FAM98B: variants seen among roughly 807,000 people sequenced by gnomAD.
The protein encoded by FAM98B is tRNA-splicing ligase complex subunit FAM98B.
In FAM98B, 32 loss-of-function variants were observed where a neutral mutation model predicts 43.9. The observed-to-expected ratio is 0.73, with a 90% CI of 0.55 to 0.98. The LOEUF is 0.98. Ranked by LOEUF, FAM98B falls within the 50% of genes least tolerant of loss-of-function variation. The pLI, the probability that FAM98B is intolerant of heterozygous loss-of-function variation, is 0.00. For synonymous variants in FAM98B, 190 were observed against 174.0 expected (o/e 1.09, Z -0.72); for missense variants, 514 against 522.9 (o/e 0.98, Z 0.17).
intron 1 of FAM98B, among the ~76,000 whole-genome samples, chr15:38,457,243 C>G (rs865831625): frequency 8.5e-5 from 13 of 152,264 alleles, no homozygotes; most frequent in Middle Eastern, 6.8e-3. Context: ...GTCTTGAACT[C>G]CTGGCCTCAA....
chr15:38,465,329 G>A lies in FAM98B; in HGVS notation c.278G>A (p.Cys93Tyr). ...EISGFLKEMA[C>Y]PYSVLISGDI... is the part of the protein sequence containing the mutation. ...AGTGGCTTTTTAAAAGAAATGGCAT[G>A]TCCATATTCTGTACTCATATCAGGA... is the stretch of plus-strand genomic sequence containing the variant. The change falls in exon 3 of 8, where the codon TGT becomes TAT. Residue 93 changes from cysteine (C) to tyrosine (Y), a missense_variant. By Grantham distance (194) the Cys-to-Tyr change is radical. Around this residue, in one of 2 missense-constraint regions of FAM98B, gnomAD observed 469 missense variants for 451.8 expected, o/e 1.04. Transcript: ENST00000397609. 1.2e-6 allele frequency: 2 copies of A among 1,611,724 alleles called. No homozygotes were observed. Among genetic ancestry groups the A allele is most frequent in the Non-Finnish European group, 1.7e-6 (2 of 1,179,182 alleles).
intron 1 of FAM98B, among the ~76,000 whole-genome samples, chr15:38,462,401 A>G (rs932777796): frequency 3.3e-5 from 5 of 152,224 alleles, no homozygotes; most frequent in African/African-American, 1.2e-4. Flanking sequence ...ACATAATTAT[A>G]AGACAAAAAT....
intron 3 of FAM98B, among the ~76,000 whole-genome samples, chr15:38,468,266 C>T (rs1176257816): frequency 3.3e-5 from 5 of 152,174 alleles, no homozygotes; most frequent in African/African-American, 9.7e-5. Context: ...GATGGGGTCT[C>T]ACTGTGTTGC....
intron 3 of FAM98B, among the ~76,000 whole-genome samples, chr15:38,467,566 G>A (rs1398073141): frequency 6.6e-6 from 1 of 152,148 alleles, no homozygotes; most frequent in African/African-American, 2.4e-5. Context: ...AGAATAACTT[G>A]TACAGCCTCT....
chr15:38,475,173 T>A (rs186634910), intron 6 of FAM98B, among the ~76,000 whole-genome samples: 3 of 152,216 alleles, frequency 2.0e-5, no homozygotes, highest in African/African-American at 7.2e-5. Context: ...CAGGGACTGG[T>A]TTCATGGAAA....
intron 1 of FAM98B, among the ~76,000 whole-genome samples, chr15:38,457,817 A>T (rs1031281161): frequency 2.0e-5 from 3 of 152,238 alleles, no homozygotes; most frequent in African/African-American, 7.2e-5. Flanking sequence ...GAAATAGGAG[A>T]TATTTATAAG....
chr15:38,465,059 G>A (rs935916289), intron 2 of FAM98B, among the ~76,000 whole-genome samples: 1 of 152,184 alleles, frequency 6.6e-6, no homozygotes, highest in Admixed American at 6.5e-5. Flanking sequence ...AGTAGAAATG[G>A]ATCATTTGCT....
At chr15:38,478,144 A>G (rs773536574) in intron 6 of FAM98B, among the ~76,000 whole-genome samples, 4 of 152,222 alleles carry the variant, frequency 2.6e-5, no homozygotes, top group Non-Finnish European at 5.9e-5. Context: ...GTTTTGATAT[A>G]TTCTTTCAAC....
At chr15:38,461,630 A>T (rs1889947835) in intron 1 of FAM98B, among the ~76,000 whole-genome samples, 1 of 152,130 alleles carries the variant, frequency 6.6e-6, no homozygotes, top group Non-Finnish European at 1.5e-5. Flanking sequence ...TTCTTTACCT[A>T]CAAAATGAGG....
At chr15:38,471,729 C>T (rs1473395199) in intron 4 of FAM98B, among the ~76,000 whole-genome samples, 2 of 152,114 alleles carry the variant, frequency 1.3e-5, no homozygotes, top group African/African-American at 4.8e-5. Context: ...GTCCAGAAGA[C>T]ACTTTGTTAC....
chr15:38,472,468 G>T (rs534713092), intron 4 of FAM98B, among the ~76,000 whole-genome samples: 3 of 151,940 alleles, frequency 2.0e-5, no homozygotes, highest in African/African-American at 7.2e-5. Context: ...ATTTGCACAG[G>T]TTCTTTCTAA....
chr15:38,472,077 G>C (rs1311987708), intron 4 of FAM98B, among the ~76,000 whole-genome samples: 1 of 152,126 alleles, frequency 6.6e-6, no homozygotes, highest in East Asian at 1.9e-4. Context: ...TAGACCTGAG[G>C]TTTAAACCCA....
At chr15:38,482,559 A>G (rs1232753446) in intron 7 of FAM98B, 4 of 152,244 alleles carry the variant, frequency 2.6e-5, no homozygotes, top group East Asian at 3.8e-4. Flanking sequence ...CATCATTGCC[A>G]TCTTTAAAAG....
rs1890399778 is a variant in FAM98B, at chr15:38,487,674, C to CACA, written c.*3017_*3019dup. 6.6e-6 allele frequency: 1 copy of CACA among 151,796 alleles called. No individual in the cohort carries two copies. Among genetic ancestry groups the CACA allele is most frequent in the Admixed American group, 6.6e-5 (1 of 15,228 alleles). The allele number at this position is 151,796 out of a possible 1,614,324, so 9.4% of individuals were successfully genotyped here. A position where few individuals can be genotyped will look rare whatever the true frequency, so the allele number is the denominator to read the frequency against. On this transcript the variant is annotated 3_prime_UTR_variant, in exon 8 of 8. Transcript: ENST00000397609. The stretch of plus-strand genomic sequence containing the variant: ...TCTGATCATTCTAAATAATCATGAC[C>CACA]ACAAATAAATTGCCCTGAGTAGGTC...
chr15:38,477,363 G>T (rs981968464), intron 6 of FAM98B, among the ~76,000 whole-genome samples: 2 of 151,918 alleles, frequency 1.3e-5, no homozygotes, highest in Admixed American at 6.6e-5. Flanking sequence ...GTCACCAGGG[G>T]TTGGAGGGAT....
Position 38,459,726 on chromosome 15 carries a change from G to A in FAM98B, c.72-4306G>A, listed in dbSNP as rs530944668. Among the ~76,000 whole-genome samples the A allele has an allele frequency of 6.0e-4, 91 of 152,302 alleles. 1 individual carries two copies. Among genetic ancestry groups the A allele is most frequent in the Middle Eastern group, 3.4e-3 (1 of 294 alleles). On this transcript the variant is annotated intron_variant, in intron 1 of 7. Coordinates refer to ENST00000397609, the MANE Select transcript of FAM98B (RefSeq NM_173611.4). ...GAGGTGGCCTGTACCAAGGGTGGGC[G>A]CCCGGAGATGGGCTCCCTTGGGTAC...
At chr15:38,469,594 G>T (rs1890092923) in intron 3 of FAM98B, among the ~76,000 whole-genome samples, 1 of 151,510 alleles carries the variant, frequency 6.6e-6, no homozygotes, top group African/African-American at 2.4e-5. Flanking sequence ...ACCGTTCCTG[G>T]CTCAGAACAG....
chr15:38,475,143 G>T (rs967410579), intron 6 of FAM98B, among the ~76,000 whole-genome samples: 2 of 152,130 alleles, frequency 1.3e-5, no homozygotes, highest in African/African-American at 4.8e-5. Flanking sequence ...TATGCCAGCA[G>T]TTCCCAACCT....
chr15:38,463,938 A>G, intron 1 of FAM98B, 94 bp from the exon 2 acceptor site: 1 of 1,204,936 alleles, frequency 8.3e-7, no homozygotes, highest in Non-Finnish European at 1.1e-6. Context: ...CATTTTATTT[A>G]CAAAAACAAG....
Sources: allele counts gnomAD v4.1 joint callset (sites outside exome capture counted in the v4.1 genomes callset), GRCh38; gene constraint gnomAD v4.1.1; regional missense constraint gnomAD v4.1.1; transcripts MANE v1.5; gene names NCBI Gene and HGNC (gene_info 2026-07-23, HGNC 2026-07-21).